Variants in DCP1A observed in about 807,000 individuals in gnomAD.
DCP1A encodes the protein decapping mRNA 1A.
Under a neutral mutation model 58.0 loss-of-function variants are expected in DCP1A, and 20 were observed. That is an observed-to-expected ratio of 0.34 (90% CI 0.24 to 0.50). DCP1A has a LOEUF of 0.50. DCP1A is among the 20% of genes least tolerant of loss of function. DCP1A has a pLI of 0.98. For missense variants in DCP1A, 613 were observed against 712.2 expected, an observed-to-expected ratio of 0.86 and a Z score of 1.59; for synonymous variants, 285 against 275.1, an observed-to-expected ratio of 1.04 and a Z score of -0.36.
At chr3:53,300,786 T>G (rs143484508) in intron 6 of DCP1A, among the ~76,000 whole-genome samples, 2,964 of 152,104 alleles carry the variant, frequency 0.019, 100 homozygotes, top group African/African-American at 0.067. Context: ...TAGCTGTGAT[T>G]ACAGGCGTGC....
At chr3:53,328,554 GACA>G (rs1287197410) in intron 3 of DCP1A, among the ~76,000 whole-genome samples, 1 of 151,748 alleles carries the variant, frequency 6.6e-6, no homozygotes, top group Non-Finnish European at 1.5e-5. Flanking sequence ...GCTTTTATCT[GACA>G]ACACTACCTG....
intron 4 of DCP1A, among the ~76,000 whole-genome samples, chr3:53,318,226 G>T (rs1202733216): frequency 6.6e-6 from 1 of 152,072 alleles, no homozygotes; most frequent in African/African-American, 2.4e-5. Flanking sequence ...GATCACTTAA[G>T]CCCAGAAGTT....
intron 4 of DCP1A, among the ~76,000 whole-genome samples, chr3:53,317,322 T>C (rs145056586): frequency 6.6e-6 from 1 of 152,140 alleles, no homozygotes; most frequent in Non-Finnish European, 1.5e-5. Flanking sequence ...TGCACCACCA[T>C]ACCTGGCTAA....
intron 3 of DCP1A, among the ~76,000 whole-genome samples, chr3:53,336,975 A>G (rs1448468758): frequency 6.6e-6 from 1 of 151,964 alleles, no homozygotes; most frequent in Non-Finnish European, 1.5e-5. Context: ...GGTTCAAGCG[A>G]TTCTCCTGCC....
chr3:53,302,173 T>C (rs1176528241), intron 6 of DCP1A, among the ~76,000 whole-genome samples: 1 of 152,226 alleles, frequency 6.6e-6, no homozygotes, highest in Non-Finnish European at 1.5e-5. Context: ...GTTAATATCC[T>C]GGTTGTCATA....
At chr3:53,295,110 G>C (rs1553686643) in intron 6 of DCP1A, among the ~76,000 whole-genome samples, 1 of 152,200 alleles carries the variant, frequency 6.6e-6, no homozygotes, top group Non-Finnish European at 1.5e-5. Context: ...AGGGCCAGCA[G>C]CGATGAGCAT....
chr3:53,310,762 T>C (rs572198849), intron 5 of DCP1A, among the ~76,000 whole-genome samples: 16 of 152,340 alleles, frequency 1.1e-4, no homozygotes, highest in East Asian at 1.9e-4. Flanking sequence ...CTGTGAGACA[T>C]TGAAGAATTT....
chr3:53,330,909 A>G (rs1252850322), intron 3 of DCP1A, among the ~76,000 whole-genome samples: 1 of 126,754 alleles, frequency 7.9e-6, no homozygotes, highest in Non-Finnish European at 1.5e-5. Flanking sequence ...CCCAGGCTGG[A>G]GTGCAATGGT....
At chr3:53,299,766 G>A (rs186203602) in intron 6 of DCP1A, among the ~76,000 whole-genome samples, 3 of 152,312 alleles carry the variant, frequency 2.0e-5, no homozygotes, top group East Asian at 1.9e-4. Flanking sequence ...TGCCTGTGGC[G>A]GCTGATGATA....
intron 3 of DCP1A, among the ~76,000 whole-genome samples, chr3:53,339,192 A>G (rs1489381019): frequency 6.6e-6 from 1 of 152,132 alleles, no homozygotes; most frequent in African/African-American, 2.4e-5. Context: ...CTATGTAGAC[A>G]AAACACACAC....
intron 6 of DCP1A, among the ~76,000 whole-genome samples, chr3:53,302,773 A>G (rs1559686657): frequency 1.3e-5 from 2 of 150,972 alleles, no homozygotes; most frequent in African/African-American, 2.4e-5. Context: ...ACTGGTGTCT[A>G]TTACCACACC....
intron 4 of DCP1A, among the ~76,000 whole-genome samples, chr3:53,313,905 T>C (rs1707724530): frequency 6.6e-6 from 1 of 152,130 alleles, no homozygotes; most frequent in African/African-American, 2.4e-5. Flanking sequence ...TTGAGTTTTA[T>C]TATTATTTTT....
At chr3:53,308,254 A>G (rs1382927819) in intron 5 of DCP1A, among the ~76,000 whole-genome samples, 1 of 152,342 alleles carries the variant, frequency 6.6e-6, no homozygotes, top group African/African-American at 2.4e-5. Context: ...TGCTTACATA[A>G]TAAGAAAAAT....
Position 53,296,514 on chromosome 3 carries a change from C to T in DCP1A, c.625-3687G>A, listed in dbSNP as rs138881949. ...TACACTGAACACTGTGACTTAGTCACTTGTGAATTCATGGCATCATAAATG... is the reference window on the plus strand; with the variant it reads ...TACACTGAACACTGTGACTTAGTCATTTGTGAATTCATGGCATCATAAATG... On this transcript the variant is annotated intron_variant, in intron 6 of 9. Transcript: ENST00000610213. Among the ~76,000 whole-genome samples the T allele has an allele frequency of 2.6e-5, 4 of 152,306 alleles. No individual in the cohort carries two copies. The East Asian group carries it at 7.7e-4, about 29-fold the overall frequency.
intron 4 of DCP1A, among the ~76,000 whole-genome samples, chr3:53,314,169 T>C (rs1415028711): frequency 6.6e-6 from 1 of 152,002 alleles, no homozygotes; most frequent in Non-Finnish European, 1.5e-5. Context: ...GCCGGGATTA[T>C]AGACATGAGC....
chr3:53,328,565 C>T lies in DCP1A; in HGVS notation c.305-9092G>A, dbSNP rs937113089. 5.8e-4 allele frequency among the ~76,000 whole-genome samples: 88 copies of T among 151,708 alleles called. 1 individual carries two copies. Among genetic ancestry groups the T allele is most frequent in the African/African-American group, 2.0e-3 (84 of 41,342 alleles). On this transcript the variant is annotated intron_variant, in intron 3 of 9. Transcript: ENST00000610213. Reference sequence around the variant, plus strand: ...AAGTGCTTTTATCTGACAACACTACCTGAGGAGGAAAAAGCCAGTAATTAG... The same window carrying T: ...AAGTGCTTTTATCTGACAACACTACTTGAGGAGGAAAAAGCCAGTAATTAG...
At chr3:53,304,001 C>A (rs1005058734) in intron 6 of DCP1A, among the ~76,000 whole-genome samples, 176 bp downstream of exon 6, 4 of 152,334 alleles carry the variant, frequency 2.6e-5, no homozygotes, top group Admixed American at 2.6e-4. Flanking sequence ...AGGTAGCAGG[C>A]TACTGCAAAA....
At position 53,347,281 on chromosome 3, in the gene DCP1A, C is replaced by T. The variant is rs561645294; in HGVS notation, c.135+102G>A. ...CAGACCCTGGCCTCGTCTCCACCGC[C>T]CTGGCCTCTTAGTGTGCCCCCCCAC... On this transcript the variant is annotated intron_variant, in intron 1 of 9. Coordinates refer to ENST00000610213, the MANE Select transcript of DCP1A (RefSeq NM_018403.7). The T allele has an allele frequency of 6.7e-4, 900 of 1,352,210 alleles. 9 individuals are homozygous for T. In the African/African-American group the frequency reaches 0.012, roughly 18 times the overall value. The allele number at this position is 1,352,210 out of a possible 1,614,324, so 83.8% of individuals were successfully genotyped here.
intron 1 of DCP1A, among the ~76,000 whole-genome samples, chr3:53,346,558 AG>A (rs1301292769): frequency 6.6e-6 from 1 of 152,190 alleles, no homozygotes; most frequent in Non-Finnish European, 1.5e-5. Context: ...GTCAATTACA[AG>A]AAAGTGGGAA....
Sources: gnomAD v4.1 joint callset for allele counts (sites outside exome capture counted in the v4.1 genomes callset) on GRCh38, gnomAD v4.1.1 for gene constraint, MANE v1.5 for transcripts, NCBI Gene and HGNC (gene_info 2026-07-23, HGNC 2026-07-21) for gene names.